SRBD1: variants seen among roughly 807,000 people sequenced by gnomAD.
SRBD1 encodes S1 RNA-binding domain-containing protein 1.
SRBD1 carries 88 observed loss-of-function variants against 115.3 expected under a neutral mutation model. That is an observed-to-expected ratio of 0.76 (90% CI 0.64 to 0.91). SRBD1 has a LOEUF of 0.91. Ranked by LOEUF, SRBD1 falls within the 40% of genes least tolerant of loss-of-function variation. SRBD1 has a pLI of 0.00. For missense variants in SRBD1, 1,385 were observed against 1,177.4 expected (o/e 1.18, Z -2.58); for synonymous variants, 509 against 407.7 (o/e 1.25, Z -2.99).
chr2:45,599,629 G>A lies in SRBD1; in HGVS notation c.468C>T (p.Ser156=), dbSNP rs753341015. ...EGESNSSETP[S]TSTVWGGTCK... The stretch of plus-strand genomic sequence containing the variant: ...ATGTACCTCCCCACACAGTGCTTGT[G>A]GATGGTGTCTCTGAACTATTACTCT... The change falls in exon 4 of 21, where the codon TCC becomes TCT. Residue 156 remains serine, a synonymous_variant. Coordinates refer to ENST00000263736, the MANE Select transcript of SRBD1 (RefSeq NM_018079.5). 4.3e-6 allele frequency: 7 copies of A among 1,614,184 alleles called. 1 individual carries two copies. The South Asian group carries it at 5.5e-5, about 13-fold the overall frequency.
At chr2:45,586,635 TC>T (rs1286632943) in intron 4 of SRBD1, among the ~76,000 whole-genome samples, 1 of 151,892 alleles carries the variant, frequency 6.6e-6, no homozygotes, top group African/African-American at 2.4e-5. Flanking sequence ...AACCTTGAAC[TC>T]GCAGGCTCAA....
intron 19 of SRBD1, among the ~76,000 whole-genome samples, chr2:45,409,378 A>T (rs2103849159): frequency 6.6e-6 from 1 of 152,266 alleles, no homozygotes; most frequent in South Asian, 2.1e-4. Context: ...CACTAAAAAT[A>T]CAATTATTAT....
chr2:45,555,684 G>C (rs558669862), intron 10 of SRBD1, among the ~76,000 whole-genome samples: 151 of 152,020 alleles, frequency 9.9e-4, no homozygotes, highest in African/African-American at 3.6e-3. Flanking sequence ...AGTAGAGATG[G>C]GGTTTCACTG....
chr2:45,525,089 A>G (rs953255858), intron 14 of SRBD1, among the ~76,000 whole-genome samples: 3 of 151,648 alleles, frequency 2.0e-5, no homozygotes, highest in African/African-American at 7.3e-5. Context: ...AGCCACAGGC[A>G]AAAAAAATGA....
chr2:45,487,840 G>C (rs1035022464), intron 15 of SRBD1, among the ~76,000 whole-genome samples: 2 of 151,996 alleles, frequency 1.3e-5, no homozygotes, highest in African/African-American at 4.8e-5. Flanking sequence ...TTTTAGTAGA[G>C]ACGGAGTTTC....
At chr2:45,544,045 T>C (rs374559585) in intron 14 of SRBD1, among the ~76,000 whole-genome samples, 11 of 152,014 alleles carry the variant, frequency 7.2e-5, no homozygotes, top group East Asian at 5.8e-4. Context: ...TCCTGGCTAA[T>C]ACGGTGAAAA....
chr2:45,512,324 G>A (rs189147836), intron 14 of SRBD1, among the ~76,000 whole-genome samples: 1 of 152,236 alleles, frequency 6.6e-6, no homozygotes, highest in Admixed American at 6.5e-5. Flanking sequence ...TACTACATCT[G>A]TAACTTCAGA....
intron 7 of SRBD1, among the ~76,000 whole-genome samples, chr2:45,576,755 A>G (rs1416777790): frequency 2.0e-5 from 3 of 152,210 alleles, no homozygotes; most frequent in Non-Finnish European, 4.4e-5. Context: ...GCATCATCAC[A>G]TGAAGTTTAA....
chr2:45,603,262 A>G (rs1175338324), intron 2 of SRBD1, among the ~76,000 whole-genome samples: 3 of 152,208 alleles, frequency 2.0e-5, no homozygotes, highest in African/African-American at 7.2e-5. Flanking sequence ...TATACATGAT[A>G]TAGTTCTAAG....
chr2:45,544,113 G>A (rs747774554), intron 14 of SRBD1, among the ~76,000 whole-genome samples: 30 of 151,552 alleles, frequency 2.0e-4, no homozygotes, highest in Non-Finnish European at 3.7e-4. Context: ...GGCACCTGTA[G>A]TCCCAGCTAC....
intron 14 of SRBD1, among the ~76,000 whole-genome samples, chr2:45,498,270 T>C (rs1392695017): frequency 1.3e-5 from 2 of 152,226 alleles, no homozygotes; most frequent in Non-Finnish European, 2.9e-5. Flanking sequence ...GAGTCATAAC[T>C]GTTCTTTACG....
rs1037112905 is a variant in SRBD1, at chr2:45,419,947, T to A, written c.2050-53A>T. 2.9e-5 allele frequency: 44 copies of A among 1,498,588 alleles called. No homozygotes were observed. The African/African-American group carries it at 4.7e-4, about 16-fold the overall frequency. 92.8% of individuals were successfully genotyped at this position (1,498,588 alleles called of 1,614,324 possible). On this transcript the variant is annotated intron_variant, in intron 16 of 20. Coordinates refer to ENST00000263736, the MANE Select transcript of SRBD1 (RefSeq NM_018079.5). Reference sequence around the variant, plus strand: ...AGTGAAGGAGATGTAGTTCTTGGACTATTCCATTACTCTGCCTATATTACT... The same window carrying A: ...AGTGAAGGAGATGTAGTTCTTGGACAATTCCATTACTCTGCCTATATTACT...
intron 10 of SRBD1, among the ~76,000 whole-genome samples, chr2:45,559,040 A>G (rs977757720): frequency 2.0e-5 from 3 of 151,924 alleles, no homozygotes; most frequent in Admixed American, 1.3e-4. Flanking sequence ...CTCCCTAACC[A>G]ATCCACCCAC....
intron 7 of SRBD1, among the ~76,000 whole-genome samples, chr2:45,575,202 G>C (rs1299857843): frequency 6.6e-6 from 1 of 152,140 alleles, no homozygotes; most frequent in East Asian, 1.9e-4. Context: ...TTCTATTTTG[G>C]ATTATGGGGC....
At chr2:45,587,022 T>G (rs1374649396) in intron 4 of SRBD1, among the ~76,000 whole-genome samples, 1 of 124,374 alleles carries the variant, frequency 8.0e-6, no homozygotes, top group Non-Finnish European at 1.6e-5. Context: ...ATTATAAATA[T>G]TAAAATATTT....
intron 15 of SRBD1, among the ~76,000 whole-genome samples, chr2:45,477,645 G>C (rs540568357): frequency 3.9e-5 from 6 of 152,162 alleles, no homozygotes; most frequent in Non-Finnish European, 7.4e-5. Flanking sequence ...GAACTCCTGG[G>C]CTCAAGCAAT....
intron 14 of SRBD1, among the ~76,000 whole-genome samples, chr2:45,509,306 C>A (rs932399236): frequency 6.6e-6 from 1 of 152,056 alleles, no homozygotes; most frequent in African/African-American, 2.4e-5. Flanking sequence ...ATTAGAAACA[C>A]ACACACAAGG....
chr2:45,396,170 G>C (rs1251821769), intron 19 of SRBD1, among the ~76,000 whole-genome samples: 2 of 152,002 alleles, frequency 1.3e-5, no homozygotes, highest in Non-Finnish European at 2.9e-5. Context: ...ACTTGTCCAA[G>C]GCCATGATGT....
chr2:45,418,280 A>G, intron 18 of SRBD1, 85 bp downstream of exon 18: 1 of 1,491,996 alleles, frequency 6.7e-7, no homozygotes, highest in Non-Finnish European at 9.1e-7. Flanking sequence ...ACACTTAGAA[A>G]ATTTTACACT....
Sources: allele counts gnomAD v4.1 joint callset (sites outside exome capture counted in the v4.1 genomes callset), GRCh38; gene constraint gnomAD v4.1.1; transcripts MANE v1.5; gene names NCBI Gene and HGNC (gene_info 2026-07-23, HGNC 2026-07-21).